ANKS1B: variants seen among roughly 807,000 people sequenced by gnomAD.
ANKS1B encodes the protein ankyrin repeat and sterile alpha motif domain containing 1B, also known as ankyrin repeat and sterile alpha motif domain-containing protein 1B.
Under a neutral mutation model 148.3 loss-of-function variants are expected in ANKS1B, and 36 were observed. The observed-to-expected ratio is 0.24, with a 90% CI of 0.19 to 0.32. ANKS1B has a LOEUF of 0.32. Among genes scored for constraint, ANKS1B ranks in the 10% least tolerant of loss-of-function variants. The pLI, the probability that ANKS1B is intolerant of heterozygous loss-of-function variation, is 1.00. For synonymous variants in ANKS1B, 542 were observed against 560.8 expected, an observed-to-expected ratio of 0.97 and a Z score of 0.47; for missense variants, 1,157 against 1,542.6, an observed-to-expected ratio of 0.75 and a Z score of 4.19.
At chr12:98,994,588 C>T (rs1382047084) in intron 17 of ANKS1B, among the ~76,000 whole-genome samples, 1 of 152,160 alleles carries the variant, frequency 6.6e-6, no homozygotes, top group Non-Finnish European at 1.5e-5. Context: ...CACTGCACTC[C>T]ATCCTGGGTA....
intron 1 of ANKS1B, among the ~76,000 whole-genome samples, chr12:99,967,212 T>G (rs921517429): frequency 6.6e-6 from 1 of 152,214 alleles, no homozygotes; most frequent in Admixed American, 6.5e-5. Context: ...AATAAGCATT[T>G]TATTTCCTCC....
intron 1 of ANKS1B, among the ~76,000 whole-genome samples, chr12:99,922,355 T>C (rs533390937): frequency 9.9e-5 from 15 of 152,230 alleles, no homozygotes; most frequent in African/African-American, 2.6e-4. Flanking sequence ...AAAGGATACA[T>C]ATTAAATTTT....
At chr12:99,124,385 AAAAT>A (rs2063717300) in intron 15 of ANKS1B, among the ~76,000 whole-genome samples, 1 of 149,916 alleles carries the variant, frequency 6.7e-6, no homozygotes, top group South Asian at 2.1e-4. Context: ...GGAAGACTGA[AAAAT>A]AAAAGCATGC....
At chr12:99,459,766 A>C (rs993841259) in intron 10 of ANKS1B, among the ~76,000 whole-genome samples, 2 of 152,166 alleles carry the variant, frequency 1.3e-5, no homozygotes, top group African/African-American at 4.8e-5. Flanking sequence ...TGACATAAAC[A>C]AATAGAAACA....
At chr12:99,066,715 A>G (rs1158076982) in intron 16 of ANKS1B, among the ~76,000 whole-genome samples, 1 of 152,212 alleles carries the variant, frequency 6.6e-6, no homozygotes, top group African/African-American at 2.4e-5. Context: ...GGCTTGGATA[A>G]GGTACTAAAG....
chr12:99,921,358 G>A (rs2094347380), intron 1 of ANKS1B, among the ~76,000 whole-genome samples: 1 of 152,076 alleles, frequency 6.6e-6, no homozygotes, highest in African/African-American at 2.4e-5. Flanking sequence ...CATCATGACT[G>A]TAAGTTTCTT....
chr12:99,641,819 C>T (rs952518065), intron 9 of ANKS1B, among the ~76,000 whole-genome samples: 6 of 152,134 alleles, frequency 3.9e-5, no homozygotes, highest in African/African-American at 1.4e-4. Context: ...ACAGTAGACA[C>T]TATACACCCT....
chr12:99,311,310 G>T (rs2083135648), intron 12 of ANKS1B, among the ~76,000 whole-genome samples: 1 of 151,988 alleles, frequency 6.6e-6, no homozygotes, highest in South Asian at 2.1e-4. Flanking sequence ...GAAAAAGAAA[G>T]AAACAAATGT....
chr12:99,326,829 G>C (rs1019848336), intron 12 of ANKS1B, among the ~76,000 whole-genome samples: 3 of 150,882 alleles, frequency 2.0e-5, no homozygotes, highest in African/African-American at 7.3e-5. Context: ...ATTGTGCTGA[G>C]AGAGTTTTCC....
intron 1 of ANKS1B, among the ~76,000 whole-genome samples, chr12:99,978,067 A>G (rs538442947): frequency 2.9e-4 from 44 of 152,334 alleles, no homozygotes; most frequent in Non-Finnish European, 6.0e-4. Context: ...TAGGCTTCTG[A>G]TAGAATTTTC....
chr12:99,655,127 A>C lies in ANKS1B; in HGVS notation c.1212T>G (p.Leu404=), dbSNP rs2098443886. 3.1e-6 allele frequency: 5 copies of C among 1,612,844 alleles called. No individual in the cohort carries two copies. The highest frequency in any genetic ancestry group is 4.2e-6 in the Non-Finnish European group (5 of 1,179,206). The change falls in exon 9 of 27, where the codon CTT becomes CTG. Residue 404 remains leucine (L), a synonymous_variant. Coordinates refer to ENST00000683438, the MANE Select transcript of ANKS1B (RefSeq NM_001352186.2). ...CATTACACGGAGTTAATGCTTCCCA[A>C]AGTCCTGATGGCCCACACGTATTTT... ...DDENTCGPSG[L]WEALTPCNGC...
intron 17 of ANKS1B, among the ~76,000 whole-genome samples, chr12:99,016,588 G>A (rs1050339698): frequency 1.3e-5 from 2 of 152,084 alleles, no homozygotes; most frequent in Admixed American, 6.6e-5. Context: ...GCCGGGAGGT[G>A]GAGGTTGCAG....
chr12:99,460,732 C>CAA (rs201364516), intron 10 of ANKS1B, among the ~76,000 whole-genome samples: 2 of 142,468 alleles, frequency 1.4e-5, no homozygotes, highest in Admixed American at 1.4e-4. Flanking sequence ...GCCATAATAA[C>CAA]AAAAAAAAAA....
At chr12:99,695,831 A>G (rs1215260076) in intron 8 of ANKS1B, among the ~76,000 whole-genome samples, 1 of 152,204 alleles carries the variant, frequency 6.6e-6, no homozygotes, top group African/African-American at 2.4e-5. Context: ...ACCATGGCAT[A>G]TGTTTACCTA....
At chr12:99,803,974 G>T (rs2067282701) in intron 4 of ANKS1B, among the ~76,000 whole-genome samples, 1 of 152,040 alleles carries the variant, frequency 6.6e-6, no homozygotes, top group South Asian at 2.1e-4. Flanking sequence ...GATAGTTTTG[G>T]TTTTTTATTC....
chr12:99,736,862 T>A (rs1325377517), intron 8 of ANKS1B, among the ~76,000 whole-genome samples: 2 of 151,564 alleles, frequency 1.3e-5, no homozygotes, highest in Admixed American at 1.3e-4. Flanking sequence ...AATCTAATAA[T>A]CCCATTAAAA....
intron 14 of ANKS1B, among the ~76,000 whole-genome samples, chr12:99,207,290 A>G (rs2082785480): frequency 6.6e-6 from 1 of 152,192 alleles, no homozygotes; most frequent in Non-Finnish European, 1.5e-5. Flanking sequence ...ATAAATGTAA[A>G]TGGTATAAAA....
At chr12:99,632,748 T>G (rs1370133691) in intron 9 of ANKS1B, among the ~76,000 whole-genome samples, 4 of 110,296 alleles carry the variant, frequency 3.6e-5, no homozygotes, top group East Asian at 3.1e-4. Flanking sequence ...TATATATATA[T>G]ATATATATAT....
At chr12:98,911,147 G>A (rs1160468046) in intron 17 of ANKS1B, among the ~76,000 whole-genome samples, 1 of 151,968 alleles carries the variant, frequency 6.6e-6, no homozygotes, top group Non-Finnish European at 1.5e-5. Context: ...TTTTATATTA[G>A]TGACAAGATC....
Sources: allele counts gnomAD v4.1 joint callset (sites outside exome capture counted in the v4.1 genomes callset), GRCh38; gene constraint gnomAD v4.1.1; transcripts MANE v1.5; gene names NCBI Gene and HGNC (gene_info 2026-07-23, HGNC 2026-07-21).